The following CSMD1 variants were observed in gnomAD, a reference collection of about 807,000 sequenced individuals.
CSMD1 encodes the protein CUB and Sushi multiple domains 1.
A neutral mutation model predicts 417.5 loss-of-function variants in CSMD1; 213 were observed. The observed-to-expected ratio is 0.51, with a 90% CI of 0.46 to 0.57. CSMD1 has a LOEUF of 0.57. Ranked by LOEUF, CSMD1 falls within the 20% of genes least tolerant of loss-of-function variation. The pLI, the probability that CSMD1 is intolerant of heterozygous loss-of-function variation, is 0.00. For missense variants in CSMD1, 6,923 were observed against 4,529.7 expected (o/e 1.53, Z -15.17); for synonymous variants, 2,862 against 1,736.8 (o/e 1.65, Z -16.11).
At chr8:3,409,355 T>C (rs1412143091) in intron 13 of CSMD1, 68 bp downstream of exon 13, 11 of 1,391,124 alleles carry the variant, frequency 7.9e-6, no homozygotes, top group South Asian at 3.5e-5. Flanking sequence ...TCTGTGTCTT[T>C]CTCCTTTTCT....
At chr8:3,967,917 C>T (rs928382780) in intron 5 of CSMD1, among the ~76,000 whole-genome samples, 4 of 150,374 alleles carry the variant, frequency 2.7e-5, no homozygotes, top group Admixed American at 2.0e-4. Context: ...CGTGTAATCC[C>T]AGCACTTTGG....
intron 5 of CSMD1, among the ~76,000 whole-genome samples, chr8:3,766,284 G>A (rs528690600): frequency 6.6e-6 from 1 of 152,220 alleles, no homozygotes; most frequent in East Asian, 1.9e-4. Flanking sequence ...TTTCAATGTG[G>A]GAGGACCCTC....
chr8:4,985,482 A>G (rs544849947), intron 1 of CSMD1, among the ~76,000 whole-genome samples: 2 of 152,244 alleles, frequency 1.3e-5, no homozygotes, highest in Admixed American at 6.5e-5. Flanking sequence ...TTAGGTGAGC[A>G]AAATTATGAG....
At chr8:4,294,907 C>T (rs537688961) in intron 3 of CSMD1, among the ~76,000 whole-genome samples, 1 of 151,752 alleles carries the variant, frequency 6.6e-6, no homozygotes, top group East Asian at 2.0e-4. Context: ...GGAACGAAAG[C>T]CTCAGGTAAC....
At chr8:4,531,692 T>G (rs971959980) in intron 2 of CSMD1, among the ~76,000 whole-genome samples, 1 of 152,188 alleles carries the variant, frequency 6.6e-6, no homozygotes, top group Non-Finnish European at 1.5e-5. Flanking sequence ...GCACTTCTTT[T>G]AAACATTTTT....
intron 1 of CSMD1, among the ~76,000 whole-genome samples, chr8:4,696,071 G>A (rs1031155791): frequency 8.5e-5 from 13 of 152,096 alleles, no homozygotes; most frequent in African/African-American, 2.4e-4. Context: ...GGATTTTAAC[G>A]GTATCTGGTT....
At chr8:3,770,514 G>C (rs1039988787) in intron 5 of CSMD1, among the ~76,000 whole-genome samples, 7 of 152,114 alleles carry the variant, frequency 4.6e-5, no homozygotes, top group Non-Finnish European at 1.5e-5. Flanking sequence ...GGGCAACAAA[G>C]TGAGACTCCA....
At chr8:3,727,835 G>C (rs919450298) in intron 6 of CSMD1, among the ~76,000 whole-genome samples, 5 of 152,210 alleles carry the variant, frequency 3.3e-5, no homozygotes, top group South Asian at 2.1e-4. Flanking sequence ...CTTTAGGGCA[G>C]TGCGCCAGGT....
At chr8:4,203,186 A>G (rs2131262166) in intron 3 of CSMD1, among the ~76,000 whole-genome samples, 1 of 152,286 alleles carries the variant, frequency 6.6e-6, no homozygotes, top group Admixed American at 6.5e-5. Flanking sequence ...AAAAATCGTC[A>G]GTGAGATGCA....
intron 5 of CSMD1, among the ~76,000 whole-genome samples, chr8:3,756,368 T>C (rs1333979504): frequency 1.4e-5 from 2 of 144,036 alleles, no homozygotes; most frequent in South Asian, 2.2e-4. Context: ...AAAAAAAAAA[T>C]CATTAGTTTC....
At chr8:4,083,440 A>G (rs1020881055) in intron 3 of CSMD1, among the ~76,000 whole-genome samples, 53 of 152,298 alleles carry the variant, frequency 3.5e-4, no homozygotes, top group African/African-American at 1.3e-3. Context: ...ACTTCAAACT[A>G]TACTACAAGG....
At chr8:4,687,728 C>T (rs1268075350) in intron 1 of CSMD1, among the ~76,000 whole-genome samples, 3 of 152,148 alleles carry the variant, frequency 2.0e-5, no homozygotes, top group Non-Finnish European at 2.9e-5. Flanking sequence ...CCCCTTTCCA[C>T]ACTAGGTTCT....
chr8:4,791,223 G>A (rs1377923681), intron 1 of CSMD1, among the ~76,000 whole-genome samples: 4 of 150,912 alleles, frequency 2.7e-5, no homozygotes, highest in African/African-American at 9.7e-5. Flanking sequence ...AGAAGCAGAG[G>A]CAGAAGGAAC....
intron 6 of CSMD1, among the ~76,000 whole-genome samples, chr8:3,732,583 C>T (rs558123565): frequency 3.3e-5 from 5 of 152,314 alleles, no homozygotes; most frequent in African/African-American, 7.2e-5. Flanking sequence ...GCCCAGGCAA[C>T]GCACCATGAA....
chr8:4,470,449 G>A (rs936861632), intron 2 of CSMD1, among the ~76,000 whole-genome samples: 1 of 152,194 alleles, frequency 6.6e-6, no homozygotes, highest in African/African-American at 2.4e-5. Flanking sequence ...TATGTAGACA[G>A]GTTGGGGTCA....
At chr8:3,344,405 A>G (rs1457190289) in intron 22 of CSMD1, among the ~76,000 whole-genome samples, 2 of 152,170 alleles carry the variant, frequency 1.3e-5, no homozygotes, top group Non-Finnish European at 2.9e-5. Flanking sequence ...GCACATGTAT[A>G]CCTGGGTAAC....
At chr8:3,161,144 A>ATATTTATTGAAATATTGAAAAAATAT (rs1819867574) in intron 38 of CSMD1, among the ~76,000 whole-genome samples, 1 of 152,182 alleles carries the variant, frequency 6.6e-6, no homozygotes, top group East Asian at 1.9e-4. Flanking sequence ...ACATGTTTTG[A>ATATTTATTGAAATATTGAAAAAATAT]TTATCAATTT....
intron 3 of CSMD1, among the ~76,000 whole-genome samples, chr8:4,173,821 G>T (rs990439628): frequency 6.6e-6 from 1 of 152,130 alleles, no homozygotes; most frequent in Non-Finnish European, 1.5e-5. Context: ...GGAACAATCT[G>T]ATCAGGCTTC....
intron 10 of CSMD1, among the ~76,000 whole-genome samples, chr8:3,548,932 C>G (rs985168968): frequency 1.3e-5 from 2 of 152,118 alleles, no homozygotes; most frequent in African/African-American, 4.8e-5. Flanking sequence ...ACTAAGTTCT[C>G]GCGTGTTCCT....
Sources: gnomAD v4.1 joint callset for allele counts (sites outside exome capture counted in the v4.1 genomes callset) on GRCh38, gnomAD v4.1.1 for gene constraint, MANE v1.5 for transcripts, NCBI Gene and HGNC (gene_info 2026-07-23, HGNC 2026-07-21) for gene names.